SEC24D: variants seen among roughly 807,000 people sequenced by gnomAD.
The protein encoded by SEC24D is protein transport protein Sec24D.
SEC24D carries 69 observed loss-of-function variants against 116.9 expected under a neutral mutation model. That is an observed-to-expected ratio of 0.59 (90% CI 0.49 to 0.72). The LOEUF is 0.72. SEC24D is among the 30% of genes least tolerant of loss of function. The probability of loss-of-function intolerance (pLI) is 0.00; values close to 1 mark genes in which losing one functional copy is unlikely to be tolerated. For missense variants in SEC24D, 1,131 were observed against 1,264.1 expected, an observed-to-expected ratio of 0.89 and a Z score of 1.60; for synonymous variants, 405 against 442.8, an observed-to-expected ratio of 0.91 and a Z score of 1.07.
At chr4:118,779,498 G>A (rs909393912) in intron 8 of SEC24D, among the ~76,000 whole-genome samples, 14 of 152,100 alleles carry the variant, frequency 9.2e-5, no homozygotes, top group Non-Finnish European at 1.9e-4. Context: ...TGTTGGATTC[G>A]GTTTGCCAGT....
In SEC24D at chr4:118,738,212, G is replaced by A. The variant is rs776079677; in HGVS notation, c.2496+49C>T. ...TTCTATAGCTATGTGCTGAAGAAAT[G>A]AGTAGTCGTTTGTAACACTTTAACA... On this transcript the variant is annotated intron_variant, in intron 19 of 22. Coordinates refer to ENST00000280551, the MANE Select transcript of SEC24D (RefSeq NM_014822.4). 5.0e-6 allele frequency: 6 copies of A among 1,207,656 alleles called. No individual in the cohort carries two copies. In the Admixed American group the frequency reaches 5.1e-5, roughly 10 times the overall value. 74.8% of individuals were successfully genotyped at this position (1,207,656 alleles called of 1,614,324 possible).
At chr4:118,805,989 G>A in intron 6 of SEC24D, 35 bp from the exon 7 acceptor site, 1 of 1,390,064 alleles carries the variant, frequency 7.2e-7, no homozygotes, top group Non-Finnish European at 1.0e-6. Context: ...CGTTAAAGTA[G>A]GTTCCAGTTC....
chr4:118,814,569 A>G (rs1730056504), intron 6 of SEC24D, among the ~76,000 whole-genome samples: 1 of 152,240 alleles, frequency 6.6e-6, no homozygotes, highest in African/African-American at 2.4e-5. Context: ...TGAAGAGTTT[A>G]GTTCTAACTT....
At chr4:118,769,393 A>T (rs1207489770) in intron 8 of SEC24D, among the ~76,000 whole-genome samples, 1 of 152,168 alleles carries the variant, frequency 6.6e-6, no homozygotes, top group Non-Finnish European at 1.5e-5. Context: ...TGTTTTTGTA[A>T]ATCTCCTTAA....
At chr4:118,819,507 G>A (rs969312103) in intron 3 of SEC24D, among the ~76,000 whole-genome samples, 16 of 142,684 alleles carry the variant, frequency 1.1e-4, no homozygotes, top group Non-Finnish European at 2.0e-4. Context: ...CTCCAGCCTG[G>A]GCAACACAGG....
chr4:118,727,918 C>A (rs1725489630), intron 22 of SEC24D, among the ~76,000 whole-genome samples: 1 of 151,994 alleles, frequency 6.6e-6, no homozygotes, highest in South Asian at 2.1e-4. Flanking sequence ...CCATAAATAC[C>A]CTGGCACTTG....
At chr4:118,791,558 T>G (rs944454722) in intron 8 of SEC24D, among the ~76,000 whole-genome samples, 2 of 152,070 alleles carry the variant, frequency 1.3e-5, no homozygotes, top group African/African-American at 4.8e-5. Flanking sequence ...CCCTCCACGG[T>G]CTCCCTCTGA....
chr4:118,728,462 A>G, intron 22 of SEC24D, 99 bp downstream of exon 22: 1 of 697,936 alleles, frequency 1.4e-6, no homozygotes, highest in South Asian at 2.1e-5. Flanking sequence ...GAGTTTTTAA[A>G]ATCAAAGATC....
At chr4:118,809,396 T>C (rs543101502) in intron 6 of SEC24D, among the ~76,000 whole-genome samples, 13 of 152,200 alleles carry the variant, frequency 8.5e-5, no homozygotes, top group Non-Finnish European at 1.8e-4. Context: ...AAAAGGGTTA[T>C]AATAAGCACC....
Position 118,738,152 on chromosome 4 carries a change from G to A in SEC24D, c.2496+109C>T, listed in dbSNP as rs191698050. ...AATCTTCTCAGCTACACTGTTTACT[G>A]TAACAGCATCTAAGTGCCTGCAACA... On this transcript the variant is annotated intron_variant, in intron 19 of 22. Coordinates refer to ENST00000280551, the MANE Select transcript of SEC24D (RefSeq NM_014822.4). The A allele has an allele frequency of 5.7e-5, 43 of 754,242 alleles. No individual in the cohort carries two copies. The African/African-American group carries it at 6.3e-4, about 11-fold the overall frequency. 46.7% of individuals were successfully genotyped at this position (754,242 alleles called of 1,614,324 possible).
At chr4:118,740,578 A>C in intron 17 of SEC24D, 85 bp downstream of exon 17, 3 of 1,435,848 alleles carry the variant, frequency 2.1e-6, no homozygotes, top group Non-Finnish European at 2.9e-6. Context: ...AGAGACTAAC[A>C]CATTTGATGG....
chr4:118,812,083 A>G (rs892072210), intron 6 of SEC24D, among the ~76,000 whole-genome samples: 4 of 152,138 alleles, frequency 2.6e-5, no homozygotes, highest in Non-Finnish European at 5.9e-5. Flanking sequence ...GTACACTCCT[A>G]CCTTCCCTTT....
intron 11 of SEC24D, among the ~76,000 whole-genome samples, chr4:118,756,550 G>A (rs1478792089): frequency 6.6e-6 from 1 of 152,174 alleles, no homozygotes; most frequent in Non-Finnish European, 1.5e-5. Flanking sequence ...AAAGAATACA[G>A]AGGAATGGGC....
At chr4:118,742,090 A>G (rs1050842104) in intron 15 of SEC24D, among the ~76,000 whole-genome samples, 2 of 152,168 alleles carry the variant, frequency 1.3e-5, no homozygotes, top group African/African-American at 4.8e-5. Context: ...AATCAGTAAT[A>G]ATTATGGATA....
At chr4:118,781,999 G>A (rs562093968) in intron 8 of SEC24D, among the ~76,000 whole-genome samples, 125 of 152,166 alleles carry the variant, frequency 8.2e-4, no homozygotes, top group Non-Finnish European at 1.4e-3. Flanking sequence ...GTTTTTTCAA[G>A]GTTTTTAGCT....
intron 8 of SEC24D, among the ~76,000 whole-genome samples, chr4:118,783,455 T>C (rs1469012437): frequency 2.6e-5 from 4 of 152,226 alleles, no homozygotes; most frequent in Admixed American, 2.0e-4. Context: ...AGGGCAGAGA[T>C]CTTTGTCTGC....
At chr4:118,791,649 C>G (rs1208448984) in intron 8 of SEC24D, among the ~76,000 whole-genome samples, 2 of 152,132 alleles carry the variant, frequency 1.3e-5, no homozygotes. Context: ...CTCAGCCTGC[C>G]GAGTGCCTGG....
At chr4:118,771,277 T>C (rs1663284217) in intron 8 of SEC24D, among the ~76,000 whole-genome samples, 1 of 152,226 alleles carries the variant, frequency 6.6e-6, no homozygotes, top group African/African-American at 2.4e-5. Context: ...TTTAAAAATT[T>C]TGTTTACAAA....
In SEC24D at chr4:118,798,847, G is replaced by A. The variant is rs577565295; in HGVS notation, c.914-1037C>T. Reference sequence around the variant, plus strand: ...TGGGTATCTGGGGAAGGACATGCCCGGAGTAGTGACAGCAGGAGGCCCATG... The same window carrying A: ...TGGGTATCTGGGGAAGGACATGCCCAGAGTAGTGACAGCAGGAGGCCCATG... On this transcript the variant is annotated intron_variant, in intron 7 of 22. Coordinates refer to ENST00000280551, the MANE Select transcript of SEC24D (RefSeq NM_014822.4). Among the ~76,000 whole-genome samples, 18 of 152,344 alleles carry A rather than the reference G, an allele frequency of 1.2e-4. No homozygotes were observed. The South Asian group carries it at 1.2e-3, about 11-fold the overall frequency.
Sources: gnomAD v4.1 joint callset for allele counts (sites outside exome capture counted in the v4.1 genomes callset) on GRCh38, gnomAD v4.1.1 for gene constraint, MANE v1.5 for transcripts, NCBI Gene and HGNC (gene_info 2026-07-23, HGNC 2026-07-21) for gene names.